Variants in RAB8B observed in about 807,000 individuals in gnomAD.
RAB8B encodes the protein RAB8B, member RAS oncogene family.
RAB8B carries 11 observed loss-of-function variants against 32.0 expected under a neutral mutation model. That is an observed-to-expected ratio of 0.34 (90% confidence interval 0.22 to 0.57). The LOEUF (loss-of-function observed/expected upper bound fraction) is 0.57. Among genes scored for constraint, RAB8B ranks in the 20% least tolerant of loss-of-function variants. The probability of loss-of-function intolerance (pLI) is 0.86; values close to 1 mark genes in which losing one functional copy is unlikely to be tolerated. For synonymous variants in RAB8B, 103 were observed against 89.6 expected, an observed-to-expected ratio of 1.15 and a Z score of -0.85; for missense variants, 190 against 258.5, an observed-to-expected ratio of 0.73 and a Z score of 1.82.
chr15:63,236,626 T>A (rs12913135), intron 1 of RAB8B, among the ~76,000 whole-genome samples: 2 of 152,022 alleles, frequency 1.3e-5, no homozygotes, highest in African/African-American at 4.8e-5. Context: ...AAAAAAATTG[T>A]GGGTACATAG....
intron 1 of RAB8B, among the ~76,000 whole-genome samples, chr15:63,193,789 C>T (rs991647460): frequency 4.6e-5 from 7 of 151,454 alleles, no homozygotes; most frequent in Admixed American, 2.6e-4. Context: ...CCAGCCTGGG[C>T]GACAGAGCAA....
chr15:63,209,654 C>G (rs758766431), intron 1 of RAB8B, among the ~76,000 whole-genome samples: 4 of 151,612 alleles, frequency 2.6e-5, no homozygotes, highest in Non-Finnish European at 4.4e-5. Flanking sequence ...GGGAAGGGAG[C>G]CTTTAAAGGT....
intron 1 of RAB8B, among the ~76,000 whole-genome samples, chr15:63,207,592 G>T (rs1203910256): frequency 1.3e-5 from 2 of 150,284 alleles, no homozygotes; most frequent in Non-Finnish European, 3.0e-5. Context: ...AAGGAATCTT[G>T]CTCTGTCACC....
At chr15:63,241,318 C>T (rs1424549906) in intron 1 of RAB8B, among the ~76,000 whole-genome samples, 4 of 152,194 alleles carry the variant, frequency 2.6e-5, no homozygotes, top group African/African-American at 9.7e-5. Context: ...CACTGCACTC[C>T]AGCCTGCACA....
At chr15:63,241,898 G>T (rs373322139) in intron 1 of RAB8B, among the ~76,000 whole-genome samples, 1 of 151,882 alleles carries the variant, frequency 6.6e-6, no homozygotes, top group East Asian at 2.0e-4. Flanking sequence ...AGTATATTTT[G>T]TCAGATGCTA....
chr15:63,233,652 T>C (rs1172457886), intron 1 of RAB8B, among the ~76,000 whole-genome samples: 1 of 152,218 alleles, frequency 6.6e-6, no homozygotes, highest in African/African-American at 2.4e-5. Flanking sequence ...AGGAGGTGAA[T>C]GTAGCATTTC....
At chr15:63,258,861 C>A (rs2038178997) in intron 5 of RAB8B, among the ~76,000 whole-genome samples, 1 of 152,060 alleles carries the variant, frequency 6.6e-6, no homozygotes. Context: ...ATCAGAGGTA[C>A]TTTCCATTTT....
intron 1 of RAB8B, among the ~76,000 whole-genome samples, chr15:63,192,099 G>A (rs1567006275): frequency 6.6e-6 from 1 of 152,288 alleles, no homozygotes; most frequent in East Asian, 1.9e-4. Flanking sequence ...AGAGGTGTGA[G>A]CTGTGTCTTC....
In RAB8B at chr15:63,189,733, T is replaced by G; in HGVS notation, c.109T>G (p.Phe37Val). ...RFSEDAFNTT[F>V]ISTIGIDFKI... Reference sequence around the variant, plus strand: ...CTCAGAGGACGCCTTCAACACCACCTTCATCTCCACCATCGGTGAGGGAGG... The same window carrying G: ...CTCAGAGGACGCCTTCAACACCACCGTCATCTCCACCATCGGTGAGGGAGG... The change falls in exon 1 of 8, where the codon TTC becomes GTC. Residue 37 changes from phenylalanine to valine, a missense_variant. Coordinates refer to ENST00000321437, the MANE Select transcript of RAB8B (RefSeq NM_016530.3). 1 of 1,552,412 alleles carries G rather than the reference T, an allele frequency of 6.4e-7. No individual in the cohort carries two copies. The highest frequency in any genetic ancestry group is 8.8e-7 in the Non-Finnish European group (1 of 1,142,852).
At chr15:63,226,702 A>G (rs980120898) in intron 1 of RAB8B, among the ~76,000 whole-genome samples, 2 of 152,224 alleles carry the variant, frequency 1.3e-5, no homozygotes, top group South Asian at 4.1e-4. Flanking sequence ...TTTGTGTTAC[A>G]GGAAAGGGGT....
intron 1 of RAB8B, among the ~76,000 whole-genome samples, chr15:63,221,001 A>C (rs2037839942): frequency 6.6e-6 from 1 of 152,178 alleles, no homozygotes; most frequent in Non-Finnish European, 1.5e-5. Context: ...ATGCATTCTA[A>C]ATTCTGTAGG....
intron 1 of RAB8B, among the ~76,000 whole-genome samples, chr15:63,243,611 G>T (rs962991963): frequency 6.6e-6 from 1 of 152,140 alleles, no homozygotes; most frequent in Non-Finnish European, 1.5e-5. Flanking sequence ...TTGGCTTCAG[G>T]TTAGAATCAT....
At chr15:63,207,893 T>C (rs2037712342) in intron 1 of RAB8B, among the ~76,000 whole-genome samples, 1 of 152,138 alleles carries the variant, frequency 6.6e-6, no homozygotes, top group Non-Finnish European at 1.5e-5. Context: ...GTACAATTTG[T>C]TGCCAAGTCC....
intron 1 of RAB8B, among the ~76,000 whole-genome samples, chr15:63,243,238 T>C (rs1484721253): frequency 6.6e-6 from 1 of 152,236 alleles, no homozygotes; most frequent in East Asian, 1.9e-4. Flanking sequence ...GAAGCTTCTC[T>C]CACTTGCCTG....
At chr15:63,213,969 T>C (rs1003008381) in intron 1 of RAB8B, among the ~76,000 whole-genome samples, 2 of 151,962 alleles carry the variant, frequency 1.3e-5, no homozygotes, top group Non-Finnish European at 2.9e-5. Context: ...TAATCCCAGC[T>C]ACTCGGGAGG....
intron 1 of RAB8B, among the ~76,000 whole-genome samples, chr15:63,241,418 G>T (rs2038031136): frequency 6.6e-6 from 1 of 152,162 alleles, no homozygotes; most frequent in South Asian, 2.1e-4. Context: ...ATTTATTCAG[G>T]TATACAGTAG....
chr15:63,226,755 G>A (rs2037891835), intron 1 of RAB8B, among the ~76,000 whole-genome samples: 1 of 152,178 alleles, frequency 6.6e-6, no homozygotes, highest in African/African-American at 2.4e-5. Context: ...TCTCATGTAA[G>A]AAAGAATTCA....
chr15:63,238,993 T>A (rs2038008372), intron 1 of RAB8B, among the ~76,000 whole-genome samples: 1 of 152,144 alleles, frequency 6.6e-6, no homozygotes, highest in African/African-American at 2.4e-5. Flanking sequence ...CTGGTATTGC[T>A]GTTGTGGTCA....
intron 1 of RAB8B, among the ~76,000 whole-genome samples, chr15:63,211,542 A>G (rs966569867): frequency 6.6e-6 from 1 of 152,216 alleles, no homozygotes; most frequent in African/African-American, 2.4e-5. Flanking sequence ...TATTTCCTTT[A>G]TAAAGCTTCC....
Sources: allele counts gnomAD v4.1 joint callset (sites outside exome capture counted in the v4.1 genomes callset), GRCh38; gene constraint gnomAD v4.1.1; transcripts MANE v1.5; gene names NCBI Gene and HGNC (gene_info 2026-07-23, HGNC 2026-07-21).